Variants in FER1L6 observed in about 807,000 individuals in gnomAD.
FER1L6 encodes fer-1 like family member 6.
Under a neutral mutation model 219.2 loss-of-function variants are expected in FER1L6, and 177 were observed. The ratio of observed to expected loss-of-function variants is 0.81; its 90% CI spans 0.71 to 0.91. The LOEUF (loss-of-function observed/expected upper bound fraction) is 0.91. FER1L6 is among the 40% of genes least tolerant of loss of function. The pLI is 0.00. For missense variants in FER1L6, 2,153 were observed against 2,259.9 expected (o/e 0.95, Z 0.96); for synonymous variants, 768 against 824.3 (o/e 0.93, Z 1.17).
chr8:123,890,625 ATTTTTTTTT>A (rs59914385), intron 1 of FER1L6, among the ~76,000 whole-genome samples: 3 of 91,424 alleles, frequency 3.3e-5, no homozygotes, highest in Non-Finnish European at 6.1e-5. Flanking sequence ...TAAAAATTTG[ATTTTTTTTT>A]TTTTTTTTTT....
chr8:123,980,621 C>G lies in FER1L6; in HGVS notation c.1220C>G (p.Ser407Ter), dbSNP rs1816280136. ...GTAGAAATTGCTGTGGAAATCCTCTCAGGACGGGCACAGGAATCTAAATTT... is the reference window on the plus strand; with the variant it reads ...GTAGAAATTGCTGTGGAAATCCTCTGAGGACGGGCACAGGAATCTAAATTT... Reference protein sequence around the residue: ...ILVEIAVEILSGRAQESKFSK... With the variant: ...ILVEIAVEIL Residue 407 changes from serine (S) to a stop codon, truncating the protein, a stop_gained, in exon 11 of 41, where the codon TCA becomes TGA. Transcript: ENST00000522917. LOFTEE classifies it high-confidence loss of function. 2.5e-6 allele frequency: 4 copies of G among 1,614,132 alleles called. No homozygotes were observed. Among genetic ancestry groups the G allele is most frequent in the Non-Finnish European group, 1.7e-6 (2 of 1,180,012 alleles).
rs1287309101 is a variant in FER1L6, at chr8:123,923,239, AGG to A, written c.-7-32751_-7-32750del. Among the ~76,000 whole-genome samples, 4 of 152,226 alleles carry A rather than the reference AGG, an allele frequency of 2.6e-5. 1 individual carries two copies. The highest frequency in any genetic ancestry group is 4.4e-5 in the Non-Finnish European group (3 of 68,038). On this transcript the variant is annotated intron_variant, in intron 1 of 40. Transcript: ENST00000522917. ...TGGATATTCACAGCTGTGATCCTGG[AGG>A]GAAAGGAAACAAACTCCATTTTCTA... is the stretch of plus-strand genomic sequence containing the variant.
chr8:124,018,414 T>G (rs917461356), intron 16 of FER1L6, among the ~76,000 whole-genome samples: 11 of 152,212 alleles, frequency 7.2e-5, no homozygotes, highest in African/African-American at 2.7e-4. Flanking sequence ...GCTAGTTAAC[T>G]GTAATCCAAA....
At chr8:124,045,199 CA>C (rs1284962292) in intron 20 of FER1L6, among the ~76,000 whole-genome samples, 1 of 152,208 alleles carries the variant, frequency 6.6e-6, no homozygotes, top group Non-Finnish European at 1.5e-5. Flanking sequence ...TCCGTGTTCT[CA>C]TTCATAAAAT....
rs138361265 is a variant in FER1L6 at position 123,976,272 on chromosome 8, T to C, written c.870+188T>C. 5.2e-3 allele frequency among the ~76,000 whole-genome samples: 793 copies of C among 151,778 alleles called. 5 individuals carry two copies. The highest frequency in any genetic ancestry group is 0.018 in the African/African-American group (753 of 41,408). ...ATCCCAGCACTTTGGCAGGCTGAGG[T>C]GGTGAATCACTTGAGGCCAGGAGCT... On this transcript the variant is annotated intron_variant, in intron 9 of 40. Transcript: ENST00000522917.
chr8:123,854,357 A>T (rs2130235891), intron 1 of FER1L6, among the ~76,000 whole-genome samples: 1 of 152,204 alleles, frequency 6.6e-6, no homozygotes, highest in African/African-American at 2.4e-5. Context: ...CACAGTGCAC[A>T]CCCAGATGTC....
intron 16 of FER1L6, among the ~76,000 whole-genome samples, chr8:124,020,296 G>A (rs1012161516): frequency 1.3e-5 from 2 of 152,044 alleles, no homozygotes; most frequent in Non-Finnish European, 2.9e-5. Context: ...CCCAGTCTTG[G>A]ATATGTCTTT....
chr8:124,044,981 A>G (rs949656619), intron 20 of FER1L6, among the ~76,000 whole-genome samples: 1 of 152,252 alleles, frequency 6.6e-6, no homozygotes, highest in South Asian at 2.1e-4. Flanking sequence ...CCAACTGTAT[A>G]ATGGTACAGT....
At chr8:124,009,474 C>T (rs1040362548) in intron 13 of FER1L6, among the ~76,000 whole-genome samples, 1 of 151,516 alleles carries the variant, frequency 6.6e-6, no homozygotes, top group Non-Finnish European at 1.5e-5. Flanking sequence ...GTTGCAGGGT[C>T]GTGGAGCTGA....
intron 13 of FER1L6, among the ~76,000 whole-genome samples, chr8:124,007,084 T>C (rs1352585116): frequency 1.3e-5 from 2 of 152,214 alleles, no homozygotes; most frequent in Admixed American, 6.5e-5. Flanking sequence ...TGCCAAAAAC[T>C]TATGTGGCTT....
chr8:124,097,425 T>C, intron 36 of FER1L6, 66 bp downstream of exon 36: 1 of 1,165,602 alleles, frequency 8.6e-7, no homozygotes, highest in Non-Finnish European at 1.3e-6. Context: ...AATCATGACA[T>C]TTTATCTGGT....
intron 1 of FER1L6, among the ~76,000 whole-genome samples, chr8:123,933,069 G>C (rs996101221): frequency 1.3e-5 from 2 of 152,188 alleles, no homozygotes; most frequent in Non-Finnish European, 2.9e-5. Context: ...ACCCACACCT[G>C]GTGTGTCCGA....
In FER1L6 at chr8:124,010,659, A is replaced by G. The variant is rs1401544338; in HGVS notation, c.1766A>G (p.Asp589Gly). 1 of 1,614,018 alleles carries G rather than the reference A, an allele frequency of 6.2e-7. No homozygotes were observed. The highest frequency in any genetic ancestry group is 8.5e-7 in the Non-Finnish European group (1 of 1,179,984). The change falls in exon 14 of 41, where the codon GAC (aspartate) becomes GGC (glycine). Residue 589 changes from aspartate (D) to glycine (G), a missense_variant. Transcript: ENST00000522917. Reference protein sequence around the residue: ...PCVYFISSWGDQTFRLHWSNM... With the variant: ...PCVYFISSWGGQTFRLHWSNM... ...GTCTATTTCATCAGCTCTTGGGGAG[A>G]CCAGACCTTCAGGCTGCACTGGTCC... is the stretch of plus-strand genomic sequence containing the variant.
chr8:123,927,285 G>C (rs1813600230), intron 1 of FER1L6, among the ~76,000 whole-genome samples: 1 of 152,072 alleles, frequency 6.6e-6, no homozygotes, highest in Admixed American at 6.5e-5. Flanking sequence ...TCAAACTCGT[G>C]ATTTGGCTGA....
intron 1 of FER1L6, among the ~76,000 whole-genome samples, chr8:123,913,482 G>A (rs1226610193): frequency 6.6e-6 from 1 of 152,058 alleles, no homozygotes. Flanking sequence ...TTTGGGCTTT[G>A]TGGCAGAGTG....
chr8:123,920,481 C>T (rs1231250688), intron 1 of FER1L6, among the ~76,000 whole-genome samples: 1 of 152,152 alleles, frequency 6.6e-6, no homozygotes, highest in Non-Finnish European at 1.5e-5. Context: ...TTCTGTGGTC[C>T]CAAGAGTTGG....
intron 12 of FER1L6, among the ~76,000 whole-genome samples, chr8:123,987,852 C>A (rs139739978): frequency 0.013 from 1,966 of 152,266 alleles, 16 homozygotes; most frequent in Non-Finnish European, 0.02. Flanking sequence ...TGGCTCACAC[C>A]TGTAATCCCA....
intron 33 of FER1L6, among the ~76,000 whole-genome samples, chr8:124,088,698 G>A (rs900602212): frequency 9.9e-5 from 15 of 150,774 alleles, no homozygotes; most frequent in African/African-American, 3.7e-4. Flanking sequence ...AAAACCCAAG[G>A]GCTCTTTAGT....
intron 20 of FER1L6, among the ~76,000 whole-genome samples, chr8:124,044,081 A>C (rs1348588635): frequency 6.6e-6 from 1 of 152,242 alleles, no homozygotes; most frequent in Non-Finnish European, 1.5e-5. Context: ...GCCCAGTGCC[A>C]AAGAAGATAC....
Sources: allele counts gnomAD v4.1 joint callset (sites outside exome capture counted in the v4.1 genomes callset), GRCh38; gene constraint gnomAD v4.1.1; transcripts MANE v1.5; gene names NCBI Gene and HGNC (gene_info 2026-07-23, HGNC 2026-07-21).